TAFA1: variants seen among roughly 807,000 people sequenced by gnomAD.
TAFA1 encodes the protein TAFA chemokine like family member 1.
A neutral mutation model predicts 18.5 loss-of-function variants in TAFA1; 4 were observed. That is an observed-to-expected ratio of 0.22 (90% CI 0.11 to 0.49). The LOEUF (loss-of-function observed/expected upper bound fraction) is 0.49, where lower values mean the gene tolerates loss of function less well. Among genes scored for constraint, TAFA1 ranks in the 20% least tolerant of loss-of-function variants. The pLI is 0.98. For synonymous variants in TAFA1, 56 were observed against 55.2 expected (o/e 1.01, Z -0.06); for missense variants, 147 against 169.0 (o/e 0.87, Z 0.72).
At chr3:68,041,610 G>T (rs1333890272) in intron 2 of TAFA1, among the ~76,000 whole-genome samples, 1 of 152,128 alleles carries the variant, frequency 6.6e-6, no homozygotes, top group East Asian at 1.9e-4. Context: ...ACTCTTTATT[G>T]AGTGTCTGCT....
chr3:68,353,124 T>G (rs768509703), intron 2 of TAFA1, among the ~76,000 whole-genome samples: 3 of 152,070 alleles, frequency 2.0e-5, no homozygotes, highest in South Asian at 4.1e-4. Flanking sequence ...CTTCACAGAT[T>G]TGTTGCTCTC....
the TAFA1 span, among the ~76,000 whole-genome samples, chr3:67,993,543 A>G: frequency 6.6e-6 from 1 of 152,188 alleles, no homozygotes; most frequent in African/African-American, 2.4e-5. Context: ...CGTCTCTGTA[A>G]TATGGGGAAT....
intron 2 of TAFA1, among the ~76,000 whole-genome samples, chr3:68,320,994 A>G (rs1424766119): frequency 1.3e-5 from 2 of 152,160 alleles, no homozygotes; most frequent in African/African-American, 4.8e-5. Flanking sequence ...TCCACTTTTC[A>G]TATACATTGG....
chr3:68,541,432 A>C (rs1016238301), intron 4 of TAFA1, among the ~76,000 whole-genome samples: 6 of 152,180 alleles, frequency 3.9e-5, no homozygotes, highest in African/African-American at 1.4e-4. Context: ...TTTTTCTTCT[A>C]CATCTTATGT....
intron 3 of TAFA1, among the ~76,000 whole-genome samples, chr3:68,517,884 T>C (rs1440796930): frequency 6.6e-6 from 1 of 151,916 alleles, no homozygotes; most frequent in Non-Finnish European, 1.5e-5. Flanking sequence ...AGCAGCACAG[T>C]TCCTAAAATA....
chr3:68,526,990 A>T (rs1314256434), intron 3 of TAFA1, among the ~76,000 whole-genome samples: 4 of 152,182 alleles, frequency 2.6e-5, no homozygotes, highest in African/African-American at 9.6e-5. Flanking sequence ...TTGAAGGTAG[A>T]ATGTTAAATT....
chr3:68,225,657 T>A (rs1285663769), intron 2 of TAFA1, among the ~76,000 whole-genome samples: 1 of 152,188 alleles, frequency 6.6e-6, no homozygotes, highest in Non-Finnish European at 1.5e-5. Flanking sequence ...GGAGTCAGAC[T>A]TCTCAGGTTC....
At chr3:68,309,818 T>C (rs1375202440) in intron 2 of TAFA1, among the ~76,000 whole-genome samples, 1 of 152,178 alleles carries the variant, frequency 6.6e-6, no homozygotes, top group Non-Finnish European at 1.5e-5. Flanking sequence ...GGTTCTCTCT[T>C]GATTTTCATA....
At chr3:68,353,445 T>G (rs1047486932) in intron 2 of TAFA1, among the ~76,000 whole-genome samples, 6 of 152,226 alleles carry the variant, frequency 3.9e-5, no homozygotes, top group Admixed American at 2.0e-4. Flanking sequence ...TATTGTGGTG[T>G]GAGCACTCTA....
chr3:68,036,050 G>T (rs957407530), intron 2 of TAFA1, among the ~76,000 whole-genome samples: 3 of 152,148 alleles, frequency 2.0e-5, no homozygotes, highest in Non-Finnish European at 2.9e-5. Flanking sequence ...AGGAAATTCT[G>T]GTGGGAAGGT....
At chr3:68,197,920 T>C (rs1223630481) in intron 2 of TAFA1, among the ~76,000 whole-genome samples, 2 of 151,744 alleles carry the variant, frequency 1.3e-5, no homozygotes, top group Non-Finnish European at 3.0e-5. Context: ...AATGTAACTC[T>C]GGTCCTGCTA....
chr3:68,341,527 G>A (rs1240760420), intron 2 of TAFA1, among the ~76,000 whole-genome samples: 1 of 152,136 alleles, frequency 6.6e-6, no homozygotes, highest in Non-Finnish European at 1.5e-5. Context: ...TTCTAATTTT[G>A]TAGTTAATTT....
chr3:68,121,621 G>C (rs1401941549), intron 2 of TAFA1, among the ~76,000 whole-genome samples: 1 of 152,028 alleles, frequency 6.6e-6, no homozygotes, highest in Non-Finnish European at 1.5e-5. Flanking sequence ...TCAATAACAT[G>C]AGTTTTTCTA....
intron 3 of TAFA1, among the ~76,000 whole-genome samples, chr3:68,437,831 G>T (rs997696205): frequency 2.0e-5 from 3 of 151,894 alleles, no homozygotes; most frequent in Admixed American, 1.3e-4. Context: ...TATCCTTCTC[G>T]CATACAAATA....
intron 2 of TAFA1, among the ~76,000 whole-genome samples, chr3:68,095,709 G>A (rs983164659): frequency 3.3e-5 from 5 of 152,090 alleles, no homozygotes; most frequent in African/African-American, 4.8e-5. Flanking sequence ...CTACTAATTC[G>A]TAACATTTAT....
At chr3:68,540,601 C>T (rs2073356456) in intron 4 of TAFA1, among the ~76,000 whole-genome samples, 2 of 152,128 alleles carry the variant, frequency 1.3e-5, no homozygotes. Flanking sequence ...GATATATTTC[C>T]TGCCAAATCT....
intron 2 of TAFA1, among the ~76,000 whole-genome samples, chr3:68,264,000 G>A (rs2067489975): frequency 6.6e-6 from 1 of 152,086 alleles, no homozygotes; most frequent in African/African-American, 2.4e-5. Context: ...TCAAAATAAA[G>A]TAGATTTGAG....
intron 3 of TAFA1, among the ~76,000 whole-genome samples, chr3:68,521,073 T>C (rs1357305236): frequency 6.6e-6 from 1 of 152,230 alleles, no homozygotes; most frequent in Non-Finnish European, 1.5e-5. Context: ...TTGACATAAG[T>C]GCCAGCCTTG....
intron 3 of TAFA1, among the ~76,000 whole-genome samples, chr3:68,470,629 T>A (rs2071980023): frequency 6.6e-6 from 1 of 152,172 alleles, no homozygotes; most frequent in African/African-American, 2.4e-5. Flanking sequence ...GCCCTAGAGA[T>A]TTGTGGAACT....
Sources: gnomAD v4.1 joint callset for allele counts (sites outside exome capture counted in the v4.1 genomes callset) on GRCh38, gnomAD v4.1.1 for gene constraint, MANE v1.5 for transcripts, NCBI Gene and HGNC (gene_info 2026-07-23, HGNC 2026-07-21) for gene names.